The following RTN1 variants were observed in gnomAD, a reference collection of about 807,000 sequenced individuals.
RTN1 encodes the protein reticulon-1.
A neutral mutation model predicts 65.5 loss-of-function variants in RTN1; 25 were observed. That is an observed-to-expected ratio of 0.38 (90% CI 0.28 to 0.53). RTN1 has a LOEUF of 0.53. Among genes scored for constraint, RTN1 ranks in the 20% least tolerant of loss-of-function variants. The probability of loss-of-function intolerance (pLI) is 0.79; values close to 1 mark genes in which losing one functional copy is unlikely to be tolerated. For missense variants in RTN1, 983 were observed against 1,025.4 expected (o/e 0.96, Z 0.57); for synonymous variants, 471 against 447.6 (o/e 1.05, Z -0.66).
At chr14:59,749,444 CTA>C (rs1198197465) in intron 1 of RTN1, among the ~76,000 whole-genome samples, 1 of 94,144 alleles carries the variant, frequency 1.1e-5, no homozygotes, top group African/African-American at 4.6e-5. Context: ...ATATCTATAT[CTA>C]TATATATCTA....
intron 3 of RTN1, among the ~76,000 whole-genome samples, chr14:59,667,925 T>C (rs1171575865): frequency 6.6e-6 from 1 of 152,134 alleles, no homozygotes; most frequent in African/African-American, 2.4e-5. Flanking sequence ...CAAGGAGAAC[T>C]ACAAACCACT....
rs554002916 is a variant in RTN1 at position 59,814,267 on chromosome 14, A to G, written c.241+56123T>C. 1.4e-3 allele frequency among the ~76,000 whole-genome samples: 210 copies of G among 152,328 alleles called. 1 individual carries two copies. The highest frequency in any genetic ancestry group is 2.5e-3 in the Non-Finnish European group (167 of 68,014). ...TGGGGAATAAGATCCAGCATGGTCA[A>G]GAGCAGGAAGGCTCTTACTGGATTT... On this transcript the variant is annotated intron_variant, in intron 1 of 8. Coordinates refer to ENST00000267484, the MANE Select transcript of RTN1 (RefSeq NM_021136.3).
At chr14:59,758,324 A>C (rs1288097011) in intron 1 of RTN1, among the ~76,000 whole-genome samples, 1 of 151,966 alleles carries the variant, frequency 6.6e-6, no homozygotes, top group Non-Finnish European at 1.5e-5. Context: ...TTACCATGTC[A>C]CTTCTCTATT....
At chr14:59,788,034 A>G (rs1047280670) in intron 1 of RTN1, among the ~76,000 whole-genome samples, 1 of 152,096 alleles carries the variant, frequency 6.6e-6, no homozygotes, top group African/African-American at 2.4e-5. Context: ...AGCTCTTCAC[A>G]TTTACAATTA....
intron 1 of RTN1, among the ~76,000 whole-genome samples, chr14:59,857,684 G>A (rs564126295): frequency 5.0e-4 from 76 of 152,260 alleles, no homozygotes; most frequent in African/African-American, 1.8e-3. Flanking sequence ...AGCAAAACTC[G>A]CAGGTTTTAG....
chr14:59,783,664 A>C (rs1886197211), intron 1 of RTN1, among the ~76,000 whole-genome samples: 1 of 152,214 alleles, frequency 6.6e-6, no homozygotes, highest in South Asian at 2.1e-4. Context: ...TAGTGAGAGC[A>C]AGCCTTCTGC....
chr14:59,796,488 C>T (rs915014542), intron 1 of RTN1, among the ~76,000 whole-genome samples: 3 of 152,172 alleles, frequency 2.0e-5, no homozygotes, highest in African/African-American at 7.2e-5. Context: ...AATACCCCTA[C>T]TTCTTTGCAA....
chr14:59,777,679 T>G (rs1308291017), intron 1 of RTN1, among the ~76,000 whole-genome samples: 1 of 152,082 alleles, frequency 6.6e-6, no homozygotes, highest in Admixed American at 6.6e-5. Context: ...CCTCCTTTCT[T>G]GGGGAAAGTG....
chr14:59,744,824 A>T (rs1472106965), intron 2 of RTN1, among the ~76,000 whole-genome samples: 1 of 152,148 alleles, frequency 6.6e-6, no homozygotes, highest in Admixed American at 6.5e-5. Context: ...TGCTTCAGGC[A>T]GTCTACAGAG....
chr14:59,709,136 AT>A (rs1390411100), intron 3 of RTN1, among the ~76,000 whole-genome samples: 1 of 152,122 alleles, frequency 6.6e-6, no homozygotes, highest in Non-Finnish European at 1.5e-5. Context: ...AAAATGTCCT[AT>A]TTTTAGAGAT....
intron 3 of RTN1, among the ~76,000 whole-genome samples, chr14:59,650,063 T>C (rs1263952097): frequency 6.6e-6 from 1 of 152,224 alleles, no homozygotes; most frequent in Non-Finnish European, 1.5e-5. Context: ...TGGAATACTA[T>C]GCAGCCATAA....
chr14:59,771,290 G>C (rs1477012184), intron 1 of RTN1, among the ~76,000 whole-genome samples: 1 of 152,320 alleles, frequency 6.6e-6, no homozygotes, highest in East Asian at 1.9e-4. Context: ...GGCCTCAACA[G>C]GGGTCATCAG....
intron 3 of RTN1, among the ~76,000 whole-genome samples, chr14:59,667,617 A>G (rs1214262873): frequency 1.3e-5 from 2 of 152,190 alleles, no homozygotes; most frequent in Admixed American, 6.5e-5. Flanking sequence ...CAGGGCAATC[A>G]GGCAAGAGAA....
intron 1 of RTN1, among the ~76,000 whole-genome samples, chr14:59,834,377 T>C (rs2139645173): frequency 6.6e-6 from 1 of 152,196 alleles, no homozygotes; most frequent in Non-Finnish European, 1.5e-5. Flanking sequence ...TGATCAAAAA[T>C]TAAAACTTGT....
chr14:59,749,320 C>CTATA (rs1237200086), intron 1 of RTN1, among the ~76,000 whole-genome samples: 6 of 17,772 alleles, frequency 3.4e-4, no homozygotes, highest in African/African-American at 2.0e-3. Flanking sequence ...ATATATATAT[C>CTATA]TATATATCTA....
At chr14:59,796,561 A>G (rs1046065824) in intron 1 of RTN1, among the ~76,000 whole-genome samples, 1 of 152,030 alleles carries the variant, frequency 6.6e-6, no homozygotes, top group Non-Finnish European at 1.5e-5. Context: ...AACACTCTAT[A>G]CCCTTTTACA....
chr14:59,626,363 A>G (rs1393692851), intron 3 of RTN1, among the ~76,000 whole-genome samples: 1 of 152,220 alleles, frequency 6.6e-6, no homozygotes, highest in African/African-American at 2.4e-5. Context: ...TCTTCCATCA[A>G]TAACTTACAT....
intron 1 of RTN1, among the ~76,000 whole-genome samples, chr14:59,779,721 C>A (rs1886118341): frequency 6.6e-6 from 1 of 152,096 alleles, no homozygotes; most frequent in Non-Finnish European, 1.5e-5. Context: ...GAGAATTTGC[C>A]TGACCCTCTT....
intron 1 of RTN1, among the ~76,000 whole-genome samples, chr14:59,749,484 T>C (rs1414686786): frequency 7.1e-5 from 5 of 70,162 alleles, no homozygotes; most frequent in Non-Finnish European, 1.1e-4. Flanking sequence ...TATATATCTA[T>C]ATATATCTAT....
Sources: allele counts gnomAD v4.1 joint callset (sites outside exome capture counted in the v4.1 genomes callset), GRCh38; gene constraint gnomAD v4.1.1; transcripts MANE v1.5; gene names NCBI Gene and HGNC (gene_info 2026-07-23, HGNC 2026-07-21).